IL1RAPL1: variants seen among roughly 807,000 people sequenced by gnomAD.
IL1RAPL1 encodes interleukin-1 receptor accessory protein-like 1.
IL1RAPL1 carries 3 observed loss-of-function variants against 48.4 expected under a neutral mutation model. The ratio of observed to expected loss-of-function variants is 0.06; its 90% CI spans 0.03 to 0.16. IL1RAPL1 has a LOEUF of 0.16. Among genes scored for constraint, IL1RAPL1 ranks in the 10% least tolerant of loss-of-function variants. The pLI is 1.00. For missense variants in IL1RAPL1, 349 were observed against 530.6 expected, an observed-to-expected ratio of 0.66 and a Z score of 3.36; for synonymous variants, 185 against 187.7, an observed-to-expected ratio of 0.99 and a Z score of 0.12.
intron 6 of IL1RAPL1, among the ~76,000 whole-genome samples, chrX:29,769,177 A>C (rs930799859): frequency 9.0e-6 from 1 of 111,420 alleles, no homozygotes; most frequent in Non-Finnish European, 1.9e-5. Flanking sequence ...GATGTTTTCA[A>C]GATTCAGCCA....
At chrX:29,321,747 A>G (rs1227821752) in intron 3 of IL1RAPL1, among the ~76,000 whole-genome samples, 1 of 111,624 alleles carries the variant, frequency 9.0e-6, no homozygotes, top group Non-Finnish European at 1.9e-5. Context: ...ATGTCACTCT[A>G]CACTTTATTT....
At chrX:29,844,126 A>G (rs1485273990) in intron 6 of IL1RAPL1, among the ~76,000 whole-genome samples, 1 of 111,922 alleles carries the variant, frequency 8.9e-6, no homozygotes, top group African/African-American at 3.2e-5. Context: ...GATTTTGACC[A>G]TGTCTGTCTA....
chrX:29,555,321 C>T (rs988042820), intron 5 of IL1RAPL1, among the ~76,000 whole-genome samples: 3 of 112,268 alleles, frequency 2.7e-5, no homozygotes, highest in Non-Finnish European at 5.6e-5. Flanking sequence ...GGAAAAAGGC[C>T]GTGAGGCAAC....
intron 6 of IL1RAPL1, among the ~76,000 whole-genome samples, chrX:29,841,450 TA>T (rs1279446027): frequency 9.0e-6 from 1 of 111,489 alleles, no homozygotes; most frequent in East Asian, 2.8e-4. Flanking sequence ...GCTGAGCATG[TA>T]AAAAGGCCAA....
intron 1 of IL1RAPL1, among the ~76,000 whole-genome samples, chrX:28,678,031 C>T (rs1371126833): frequency 9.0e-6 from 1 of 110,855 alleles, no homozygotes; most frequent in African/African-American, 3.3e-5. Flanking sequence ...AGTCAGAGGC[C>T]AAAAACATGA....
At chrX:28,687,821 G>C (rs1277758805) in intron 1 of IL1RAPL1, among the ~76,000 whole-genome samples, 2 of 109,444 alleles carry the variant, frequency 1.8e-5, no homozygotes, top group African/African-American at 6.6e-5. Flanking sequence ...ATGGGGGCAG[G>C]GGGTGCGCGG....
intron 2 of IL1RAPL1, among the ~76,000 whole-genome samples, chrX:29,256,538 C>A (rs2096133648): frequency 9.0e-6 from 1 of 111,266 alleles, no homozygotes; most frequent in African/African-American, 3.3e-5. Flanking sequence ...TTTATCCAGC[C>A]GGTTCATTCT....
At chrX:29,137,572 G>A (rs917202727) in intron 2 of IL1RAPL1, among the ~76,000 whole-genome samples, 1 of 111,652 alleles carries the variant, frequency 9.0e-6, no homozygotes, top group Non-Finnish European at 1.9e-5. Context: ...TGAGATTTTC[G>A]TCTTTCTTCA....
intron 2 of IL1RAPL1, among the ~76,000 whole-genome samples, chrX:28,813,670 C>T (rs940074320): frequency 9.0e-6 from 1 of 110,839 alleles, no homozygotes; most frequent in African/African-American, 3.3e-5. Context: ...TGCCTGTTTT[C>T]AGTTCTATCA....
chrX:29,384,571 T>A (rs975031770), intron 3 of IL1RAPL1, among the ~76,000 whole-genome samples: 2 of 112,387 alleles, frequency 1.8e-5, no homozygotes, highest in South Asian at 7.3e-4. Context: ...ATGAGATTTA[T>A]TCTTGTGGAT....
At chrX:28,863,137 C>A (rs1411071745) in intron 2 of IL1RAPL1, among the ~76,000 whole-genome samples, 1 of 111,331 alleles carries the variant, frequency 9.0e-6, no homozygotes, top group East Asian at 2.8e-4. Flanking sequence ...TTCTTGGCCT[C>A]CCAAAGTGCT....
chrX:29,334,392 A>C (rs1932944341), intron 3 of IL1RAPL1, among the ~76,000 whole-genome samples: 8 of 84,110 alleles, frequency 9.5e-5, no homozygotes, highest in East Asian at 4.2e-4. Context: ...ACTTCCCAGT[A>C]GGGGCGGCCG....
chrX:29,405,899 C>G (rs1479128340), intron 5 of IL1RAPL1, among the ~76,000 whole-genome samples: 1 of 106,994 alleles, frequency 9.3e-6, no homozygotes, highest in Non-Finnish European at 1.9e-5. Context: ...TATATTATGC[C>G]TTTTGAAATT....
chrX:29,257,763 G>T (rs934519788), intron 2 of IL1RAPL1, among the ~76,000 whole-genome samples: 6 of 111,800 alleles, frequency 5.4e-5, no homozygotes. Context: ...TTTGCAGAGA[G>T]CTTCATGGTT....
intron 3 of IL1RAPL1, among the ~76,000 whole-genome samples, chrX:29,329,550 C>T (rs1932867328): frequency 9.0e-6 from 1 of 111,475 alleles, no homozygotes; most frequent in African/African-American, 3.3e-5. Flanking sequence ...CAGTGGCTCA[C>T]TCCTGTAATC....
At chrX:29,875,666 G>A (rs192541910) in intron 6 of IL1RAPL1, among the ~76,000 whole-genome samples, 4 of 111,747 alleles carry the variant, frequency 3.6e-5, no homozygotes, top group African/African-American at 9.7e-5. Context: ...TGCTATCTAC[G>A]AAAATCCTAT....
intron 2 of IL1RAPL1, among the ~76,000 whole-genome samples, chrX:29,003,038 T>C (rs933660298): frequency 9.1e-6 from 1 of 110,449 alleles, no homozygotes; most frequent in Non-Finnish European, 1.9e-5. Flanking sequence ...AAAATCAACT[T>C]TGCCTAGGAG....
At chrX:29,678,686 A>G (rs1034010553) in intron 6 of IL1RAPL1, among the ~76,000 whole-genome samples, 5 of 110,879 alleles carry the variant, frequency 4.5e-5, no homozygotes, top group African/African-American at 1.6e-4. Flanking sequence ...TTTTTTAGAA[A>G]TGCCAAGGAT....
At chrX:29,830,707 C>T (rs1930856096) in intron 6 of IL1RAPL1, among the ~76,000 whole-genome samples, 1 of 111,007 alleles carries the variant, frequency 9.0e-6, no homozygotes, top group African/African-American at 3.3e-5. Context: ...CCCATCTCGG[C>T]CTCCCAAAGT....
Sources: gnomAD v4.1 joint callset for allele counts (sites outside exome capture counted in the v4.1 genomes callset) on GRCh38, gnomAD v4.1.1 for gene constraint, MANE v1.5 for transcripts, NCBI Gene and HGNC (gene_info 2026-07-23, HGNC 2026-07-21) for gene names.